CFH: variants seen among roughly 807,000 people sequenced by gnomAD.
CFH encodes the protein complement factor H.
Under a neutral mutation model 147.3 loss-of-function variants are expected in CFH, and 53 were observed. The ratio of observed to expected loss-of-function variants is 0.36; its 90% CI spans 0.29 to 0.45. CFH has a LOEUF of 0.45. Among genes scored for constraint, CFH ranks in the 20% least tolerant of loss-of-function variants. CFH has a pLI of 1.00. For missense variants in CFH, 1,380 were observed against 1,498.0 expected (o/e 0.92, Z 1.30); for synonymous variants, 536 against 489.4 (o/e 1.10, Z -1.26).
intron 9 of CFH, among the ~76,000 whole-genome samples, chr1:196,690,790 T>C (rs978062828): frequency 2.0e-5 from 3 of 152,112 alleles, no homozygotes; most frequent in African/African-American, 7.2e-5. Context: ...AGGTGTGACA[T>C]TTACATAATA....
At chr1:196,662,411 A>C (rs1197901679) in intron 1 of CFH, among the ~76,000 whole-genome samples, 5 of 152,110 alleles carry the variant, frequency 3.3e-5, no homozygotes, top group Non-Finnish European at 7.4e-5. Context: ...ATGTAAGGTA[A>C]TATTTTTATT....
intron 1 of CFH, among the ~76,000 whole-genome samples, chr1:196,661,875 G>GGTTTTGTTTTGTTTGTTTT (rs1666922409): frequency 6.6e-6 from 1 of 151,738 alleles, no homozygotes; most frequent in African/African-American, 2.4e-5. Flanking sequence ...CTTAAAAAGA[G>GGTTTTGTTTTGTTTGTTTT]GTTTTGTTTT....
intron 15 of CFH, among the ~76,000 whole-genome samples, chr1:196,731,817 C>A (rs569326043): frequency 1.3e-5 from 2 of 152,106 alleles, no homozygotes; most frequent in South Asian, 2.1e-4. Flanking sequence ...TATCATTCCA[C>A]TTCCTTATGG....
At chr1:196,682,329 G>C (rs570444720) in intron 6 of CFH, among the ~76,000 whole-genome samples, 1 of 151,790 alleles carries the variant, frequency 6.6e-6, no homozygotes, top group East Asian at 1.9e-4. Flanking sequence ...AATATGGATA[G>C]TCTCAAGTAT....
At chr1:196,671,354 T>C (rs1429338684) in intron 1 of CFH, among the ~76,000 whole-genome samples, 1 of 152,040 alleles carries the variant, frequency 6.6e-6, no homozygotes, top group Non-Finnish European at 1.5e-5. Context: ...TAATTTTTAT[T>C]CAAAATCGTA....
chr1:196,704,117 G>A (rs537866418), intron 9 of CFH, among the ~76,000 whole-genome samples: 32 of 151,206 alleles, frequency 2.1e-4, no homozygotes, highest in Admixed American at 1.7e-3. Context: ...TTGCCCTATC[G>A]CCCAGGCTGG....
rs1485416673 is a variant in CFH at position 196,747,116 on chromosome 1, T to C, written c.3499T>C (p.Cys1167Arg). Residue 1167 changes from cysteine to arginine, a missense_variant, in exon 22 of 22, where the codon TGT becomes CGT. Coordinates refer to ENST00000367429, the MANE Select transcript of CFH (RefSeq NM_000186.4). ...WSEPPKCLHP[C>R]VISREIMENY... ...TTACTGTTTTTTATTTTCAGATCCG[T>C]GTGTAATATCCCGAGAAATTATGGA... 1 of 1,613,722 alleles carries C rather than the reference T, an allele frequency of 6.2e-7. No homozygotes were observed. Among genetic ancestry groups the C allele is most frequent in the Non-Finnish European group, 8.5e-7 (1 of 1,179,822 alleles).
rs1415674867 is a variant in CFH, at chr1:196,714,656, TATATATATATATAG to T, written c.1519+741_1519+754del. ...ATATGTATATATATATATATATATATATATATATATATAGAGAGAGAGAGAGAGAGAGAGAGAGA... is the reference window on the plus strand; with the variant it reads ...ATATGTATATATATATATATATATATAGAGAGAGAGAGAGAGAGAGAGAGA... On this transcript the variant is annotated intron_variant, in intron 10 of 21. Transcript: ENST00000367429. Among the ~76,000 whole-genome samples, 51 of 49,348 alleles carry T rather than the reference TATATATATATATAG, an allele frequency of 1.0e-3. 1 individual carries two copies. The highest frequency in any genetic ancestry group is 8.4e-4 in the African/African-American group (11 of 13,100). 32.4% of individuals were successfully genotyped at this position (49,348 alleles called of 152,430 possible). A position where few individuals can be genotyped will look rare whatever the true frequency, so the allele number is the denominator to read the frequency against.
intron 9 of CFH, among the ~76,000 whole-genome samples, chr1:196,692,194 A>G (rs2149090018): frequency 6.6e-6 from 1 of 152,234 alleles, no homozygotes; most frequent in African/African-American, 2.4e-5. Flanking sequence ...CAATGTCGCG[A>G]TCTCGCCTCG....
chr1:196,695,646 T>C (rs776844664), intron 9 of CFH, among the ~76,000 whole-genome samples: 3 of 152,182 alleles, frequency 2.0e-5, no homozygotes, highest in Non-Finnish European at 2.9e-5. Context: ...GAGGATGGAA[T>C]ATTTTTCTAT....
chr1:196,736,527 A>T (rs1669405701), intron 15 of CFH, among the ~76,000 whole-genome samples: 1 of 151,972 alleles, frequency 6.6e-6, no homozygotes. Context: ...TAAAATCAAT[A>T]TTACATAAAT....
intron 9 of CFH, among the ~76,000 whole-genome samples, chr1:196,706,192 C>T (rs1207468112): frequency 6.6e-6 from 1 of 152,020 alleles, no homozygotes. Context: ...CCTGAGTCAC[C>T]GATTACTCTG....
intron 19 of CFH, among the ~76,000 whole-genome samples, chr1:196,743,006 A>T (rs2746965): frequency 6.6e-6 from 1 of 151,996 alleles, no homozygotes; most frequent in Non-Finnish European, 1.5e-5. Context: ...TGCCTATTTG[A>T]GTTTATTTTT....
intron 11 of CFH, among the ~76,000 whole-genome samples, chr1:196,721,976 G>A (rs774392682): frequency 5.9e-5 from 9 of 151,836 alleles, no homozygotes; most frequent in African/African-American, 4.8e-5. Flanking sequence ...CATGTGGTTG[G>A]TTTCTGTTTT....
Position 196,690,224 on chromosome 1 carries a change from A to G in CFH, c.1321A>G (p.Arg441Gly). ...CMENGWSPTP[R>G]CIRVKTCSKS... is the part of the protein sequence containing the mutation. ...GGAGAATGGCTGGTCTCCTACTCCC[A>G]GATGCATCCGTGTCAGTAAGTACAC... Residue 441 changes from arginine (R) to glycine (G), a missense_variant, in exon 9 of 22, where the codon AGA (arginine) becomes GGA (glycine). Transcript: ENST00000367429. The G allele has an allele frequency of 1.9e-6, 3 of 1,613,344 alleles. No homozygotes were observed. Among genetic ancestry groups the G allele is most frequent in the Non-Finnish European group, 2.5e-6 (3 of 1,179,554 alleles).
chr1:196,687,848 A>T (rs1406658018), intron 7 of CFH, among the ~76,000 whole-genome samples: 1 of 152,112 alleles, frequency 6.6e-6, no homozygotes, highest in East Asian at 1.9e-4. Context: ...AATAGGGAAA[A>T]AAATCTATCA....
At position 196,725,159 on chromosome 1, in the gene CFH, G is replaced by T. The variant is rs532344479; in HGVS notation, c.1735G>T (p.Val579Phe). Reference sequence around the variant, plus strand: ...ACTTCCTAAAATAGATGTACACTTAGTTCCTGATCGCAAGAAAGACCAGTA... The same window carrying T: ...ACTTCCTAAAATAGATGTACACTTATTTCCTGATCGCAAGAAAGACCAGTA... ...CELPKIDVHL[V>F]PDRKKDQYKV... The change falls in exon 12 of 22, where the codon GTT becomes TTT. Residue 579 changes from valine to phenylalanine, a missense_variant. Coordinates refer to ENST00000367429, the MANE Select transcript of CFH (RefSeq NM_000186.4). 3.1e-6 allele frequency: 5 copies of T among 1,613,588 alleles called. No individual in the cohort carries two copies. The highest frequency in any genetic ancestry group is 4.2e-6 in the Non-Finnish European group (5 of 1,179,790).
At position 196,725,315 on chromosome 1, in the gene CFH, A is replaced by G. The variant is rs949191459; in HGVS notation, c.1873+18A>G. The G allele has an allele frequency of 1.6e-5, 25 of 1,611,200 alleles. No homozygotes were observed. Among genetic ancestry groups the G allele is most frequent in the Non-Finnish European group, 2.1e-5 (25 of 1,177,670 alleles). On this transcript the variant is annotated intron_variant, in intron 12 of 21. Transcript: ENST00000367429. ...ATGTAAAGGTGAATGCTTATCTTAC[A>G]ATTGCTGAAATAAGAATTAGAACTT...
intron 11 of CFH, among the ~76,000 whole-genome samples, chr1:196,718,448 C>A (rs61819953): frequency 6.6e-6 from 1 of 152,054 alleles, no homozygotes; most frequent in South Asian, 2.1e-4. Context: ...AAGAACTTGA[C>A]CTTTTTAATA....
Sources: allele counts gnomAD v4.1 joint callset (sites outside exome capture counted in the v4.1 genomes callset), GRCh38; gene constraint gnomAD v4.1.1; transcripts MANE v1.5; gene names NCBI Gene and HGNC (gene_info 2026-07-23, HGNC 2026-07-21).